The following INSL6 variants were observed in gnomAD, a reference collection of about 807,000 sequenced individuals.
INSL6 encodes insulin-like peptide INSL6.
INSL6 carries 16 observed loss-of-function variants against 9.4 expected under a neutral mutation model. That is an observed-to-expected ratio of 1.70 (90% CI 1.15 to 2.59). The LOEUF (loss-of-function observed/expected upper bound fraction) is 2.59, where lower values mean the gene tolerates loss of function less well. Ranked by LOEUF, INSL6 falls within the 30% of genes most tolerant of loss-of-function variation. The pLI, the probability that INSL6 is intolerant of heterozygous loss-of-function variation, is 0.00. For missense variants in INSL6, 391 were observed against 257.3 expected, an observed-to-expected ratio of 1.52 and a Z score of -3.56; for synonymous variants, 154 against 96.9, an observed-to-expected ratio of 1.59 and a Z score of -3.46.
chr9:5,164,331 T>C, intron 1 of INSL6, 66 bp from the exon 2 acceptor site: 2 of 999,580 alleles, frequency 2.0e-6, no homozygotes, highest in South Asian at 2.8e-5. Context: ...AATTTAATAT[T>C]GGAACAGTAA....
chr9:5,064,923 T>C, the INSL6 span: 1 of 1,597,192 alleles, frequency 6.3e-7, no homozygotes, highest in Non-Finnish European at 8.5e-7. Context: ...TTGTCTTTCG[T>C]GTCATTAATT....
the INSL6 span, among the ~76,000 whole-genome samples, chr9:4,999,014 A>G: frequency 6.6e-6 from 1 of 151,088 alleles, no homozygotes; most frequent in Non-Finnish European, 1.5e-5. Context: ...TTCAGTAGAG[A>G]CGGGGTTTCA....
At chr9:5,053,619 G>A in the INSL6 span, among the ~76,000 whole-genome samples, 1 of 152,040 alleles carries the variant, frequency 6.6e-6, no homozygotes, top group Non-Finnish European at 1.5e-5. Flanking sequence ...AAACTGGAAT[G>A]AGTTGAGGGA....
At chr9:5,154,127 A>C (rs1564044027) in intron 2 of INSL6, among the ~76,000 whole-genome samples, 2 of 152,344 alleles carry the variant, frequency 1.3e-5, no homozygotes, top group East Asian at 3.9e-4. Flanking sequence ...AAACAGAGAT[A>C]CAGACCAATG....
chr9:5,084,263 C>T, the INSL6 span, among the ~76,000 whole-genome samples: 1 of 152,072 alleles, frequency 6.6e-6, no homozygotes, highest in Admixed American at 6.5e-5. Flanking sequence ...TATTTCCTAT[C>T]TGTATTTAAC....
chr9:5,127,844 A>C lies in INSL6; in HGVS notation c.*11-3333T>G, dbSNP rs1824098009. ...GAGGGGTTTCAGAATTTTGCATTGCAGTCATAGAAGAGATTTATTTCCTTT... is the reference window on the plus strand; with the variant it reads ...GAGGGGTTTCAGAATTTTGCATTGCCGTCATAGAAGAGATTTATTTCCTTT... On this transcript the variant is annotated intron_variant, in intron 3 of 3. Coordinates refer to the INSL6 transcript ENST00000649639. 2.6e-5 allele frequency: 6 copies of C among 232,560 alleles called. No homozygotes were observed. The South Asian group carries it at 1.1e-3, about 42-fold the overall frequency. The allele number at this position is 232,560 out of a possible 1,614,324, so 14.4% of individuals were successfully genotyped here.
At chr9:5,150,800 T>C (rs12684720) in intron 2 of INSL6, among the ~76,000 whole-genome samples, 54,635 of 151,036 alleles carry the variant, frequency 0.36, 10,697 homozygotes, top group African/African-American at 0.53. Context: ...AAGGCAAAGA[T>C]AGGAAATCAA....
chr9:5,088,635 G>T, the INSL6 span, among the ~76,000 whole-genome samples: 8 of 152,172 alleles, frequency 5.3e-5, no homozygotes, highest in African/African-American at 1.9e-4. Context: ...AGACTGGGTA[G>T]CTTAAACATC....
chr9:5,123,033 A>G (rs766271417), downstream of INSL6: 4 of 1,611,310 alleles, frequency 2.5e-6, no homozygotes, highest in East Asian at 8.9e-5. Context: ...ACAGAGAGCA[A>G]GTTTTCTGTG....
At position 5,164,053 on chromosome 9, in the gene INSL6, G is replaced by C; in HGVS notation, c.502C>G (p.Gln168Glu). The change falls in exon 2 of 2, where the codon CAA (glutamine) becomes GAA (glutamate). Residue 168 changes from glutamine (Q) to glutamate (E), a missense_variant. Gln to Glu is a conservative substitution (Grantham distance 29, BLOSUM62 2). Coordinates refer to ENST00000381641, the MANE Select transcript of INSL6 (RefSeq NM_007179.3). ...LSNLFWGHHP[Q>E]RKRRGYSEKC... ...TCTGAATATCCTCTGCGTTTTCTTT[G>C]GGGATGATGCCCCCAAAACAAATTG... The C allele has an allele frequency of 6.2e-7, 1 of 1,613,532 alleles. No individual in the cohort carries two copies. The highest frequency in any genetic ancestry group is 8.5e-7 in the Non-Finnish European group (1 of 1,179,796).
the INSL6 span, among the ~76,000 whole-genome samples, chr9:5,087,777 C>G: frequency 7.1e-6 from 1 of 141,246 alleles, no homozygotes; most frequent in Non-Finnish European, 1.5e-5. Flanking sequence ...TTGAAATGTT[C>G]TTATCTTTTG....
chr9:5,138,161 G>C (rs1165907963), intron 2 of INSL6, among the ~76,000 whole-genome samples: 4 of 152,296 alleles, frequency 2.6e-5, no homozygotes, highest in Non-Finnish European at 5.9e-5. Context: ...AACCATTGTG[G>C]AAGATAGTGT....
At chr9:5,080,446 T>G in the INSL6 span, 1 of 1,543,606 alleles carries the variant, frequency 6.5e-7, no homozygotes, top group Non-Finnish European at 8.8e-7. Context: ...TTCACATGAT[T>G]TGTATTTTTT....
At chr9:5,073,151 C>T in the INSL6 span, among the ~76,000 whole-genome samples, 1 of 152,158 alleles carries the variant, frequency 6.6e-6, no homozygotes, top group Non-Finnish European at 1.5e-5. Context: ...GTGAAAAGTT[C>T]AAGCCAAAGA....
At chr9:5,134,831 A>C (rs183562669) in intron 2 of INSL6, among the ~76,000 whole-genome samples, 1 of 152,220 alleles carries the variant, frequency 6.6e-6, no homozygotes, top group African/African-American at 2.4e-5. Flanking sequence ...AAAGTCACAC[A>C]TAACAATATT....
chr9:5,100,411 G>A, the INSL6 span: 2 of 152,166 alleles, frequency 1.3e-5, no homozygotes, highest in Admixed American at 1.3e-4. Context: ...CAATGATGAT[G>A]TGATATTATC....
At chr9:5,177,452 T>A (rs1306258210) in intron 1 of INSL6, among the ~76,000 whole-genome samples, 1 of 152,176 alleles carries the variant, frequency 6.6e-6, no homozygotes, top group African/African-American at 2.4e-5. Context: ...CACTAGGGCC[T>A]TGGGTTCGAC....
At chr9:5,078,867 T>C in the INSL6 span, among the ~76,000 whole-genome samples, 2 of 152,230 alleles carry the variant, frequency 1.3e-5, no homozygotes, top group South Asian at 4.1e-4. Context: ...ATTCTGACTT[T>C]TTAAAACCTT....
the INSL6 span, chr9:5,099,568 G>A: frequency 3.3e-5 from 5 of 152,154 alleles, no homozygotes; most frequent in African/African-American, 9.6e-5. Context: ...TAAAATGAAC[G>A]AAATCTATTC....
Sources: allele counts gnomAD v4.1 joint callset (sites outside exome capture counted in the v4.1 genomes callset), GRCh38; gene constraint gnomAD v4.1.1; transcripts MANE v1.5; gene names NCBI Gene and HGNC (gene_info 2026-07-23, HGNC 2026-07-21).